Variants in TTC27 observed in about 807,000 individuals in gnomAD.
The protein encoded by TTC27 is tetratricopeptide repeat protein 27.
TTC27 carries 79 observed loss-of-function variants against 115.9 expected under a neutral mutation model. The observed-to-expected ratio is 0.68, with a 90% CI of 0.57 to 0.82. The LOEUF is 0.82. Ranked by LOEUF, TTC27 falls within the 40% of genes least tolerant of loss-of-function variation. The pLI is 0.00. For missense variants in TTC27, 1,054 were observed against 993.1 expected, an observed-to-expected ratio of 1.06 and a Z score of -0.82; for synonymous variants, 401 against 356.0, an observed-to-expected ratio of 1.13 and a Z score of -1.42.
intron 4 of TTC27, among the ~76,000 whole-genome samples, chr2:32,642,321 G>A (rs934478455): frequency 8.0e-6 from 1 of 124,964 alleles, no homozygotes; most frequent in East Asian, 2.4e-4. Flanking sequence ...GTGTGATCTC[G>A]GCTCATTGCA....
intron 12 of TTC27, among the ~76,000 whole-genome samples, chr2:32,755,435 C>A (rs1476116217): frequency 6.6e-6 from 1 of 152,220 alleles, no homozygotes; most frequent in Non-Finnish European, 1.5e-5. Context: ...ATACGAAAAC[C>A]AGACAGGCGT....
At position 32,777,892 on chromosome 2, in the gene TTC27, G is replaced by A. The variant is rs1185373273; in HGVS notation, c.1691G>A (p.Trp564Ter). Residue 564 changes from tryptophan (W) to a stop codon, truncating the protein, a stop_gained, in exon 14 of 20, where the codon TGG (tryptophan) becomes TAG (stop). Transcript: ENST00000317907. LOFTEE classifies it high-confidence loss of function. ...TTTTGGTCTTTGCAGCTCGGGGTGT[G>A]GTTTTCTCTCGGTTGTGCCTATTTG... ...VKINPMQLGV[W>*]FSLGCAYLAL... The A allele has an allele frequency of 6.2e-7, 1 of 1,613,800 alleles. No homozygotes were observed. The highest frequency in any genetic ancestry group is 8.5e-7 in the Non-Finnish European group (1 of 1,179,960).
At chr2:32,791,471 G>A (rs1670533185) in intron 16 of TTC27, among the ~76,000 whole-genome samples, 1 of 152,184 alleles carries the variant, frequency 6.6e-6, no homozygotes, top group African/African-American at 2.4e-5. Flanking sequence ...AGTATGTGAG[G>A]TGGATAGTAA....
intron 13 of TTC27, among the ~76,000 whole-genome samples, chr2:32,771,548 G>A (rs1669830595): frequency 6.6e-6 from 1 of 152,196 alleles, no homozygotes; most frequent in Admixed American, 6.5e-5. Flanking sequence ...GAAAAAGTAT[G>A]TATAAAATTT....
chr2:32,771,085 G>A (rs975054660), intron 13 of TTC27, among the ~76,000 whole-genome samples: 1 of 152,138 alleles, frequency 6.6e-6, no homozygotes, highest in Non-Finnish European at 1.5e-5. Context: ...TGGGGAGGCC[G>A]AAAGCTTTGC....
intron 16 of TTC27, among the ~76,000 whole-genome samples, chr2:32,795,725 G>T (rs539096397): frequency 1.2e-3 from 173 of 138,698 alleles, no homozygotes; most frequent in African/African-American, 4.5e-3. Flanking sequence ...GCTAATTTTT[G>T]TATTATTATT....
chr2:32,796,275 A>G (rs2148031365), intron 16 of TTC27, among the ~76,000 whole-genome samples: 1 of 152,324 alleles, frequency 6.6e-6, no homozygotes, highest in African/African-American at 2.4e-5. Context: ...CAAAAACTAG[A>G]AAACATGATG....
chr2:32,732,060 C>A (rs547230858), intron 10 of TTC27, among the ~76,000 whole-genome samples: 22 of 151,540 alleles, frequency 1.5e-4, no homozygotes, highest in Non-Finnish European at 2.7e-4. Context: ...TTTTTTCTTT[C>A]CAAAAAAAAC....
intron 16 of TTC27, among the ~76,000 whole-genome samples, chr2:32,795,525 T>G (rs1168170221): frequency 3.4e-5 from 5 of 146,150 alleles, no homozygotes; most frequent in African/African-American, 1.0e-4. Flanking sequence ...ACTGAAAGCT[T>G]CTTTTCTTAT....
Position 32,810,978 on chromosome 2 carries a change from T to C in TTC27, c.1999-46T>C, listed in dbSNP as rs375793044. ...TGAGATAGCTCTTTGTTTTTGTTAT[T>C]GTTTGTTGGTTTCTAACTTACCAGT... On this transcript the variant is annotated intron_variant, in intron 16 of 19. Coordinates refer to ENST00000317907, the MANE Select transcript of TTC27 (RefSeq NM_017735.5). 218 of 1,591,214 alleles carry C rather than the reference T, an allele frequency of 1.4e-4. 2 individuals carry two copies. The highest frequency in any genetic ancestry group is 3.4e-5 in the Admixed American group (2 of 59,462).
intron 10 of TTC27, among the ~76,000 whole-genome samples, chr2:32,711,116 CAAAAAAA>C (rs34140897): frequency 1.7e-5 from 1 of 59,936 alleles, no homozygotes; most frequent in Non-Finnish European, 3.2e-5. Context: ...GACTCTGTCT[CAAAAAAA>C]AAAAAAAAAA....
chr2:32,706,200 A>T (rs921089274), intron 10 of TTC27, among the ~76,000 whole-genome samples: 4 of 145,374 alleles, frequency 2.8e-5, no homozygotes, highest in African/African-American at 1.0e-4. Context: ...CTCCTGCCTC[A>T]GCCTCCTGAG....
In TTC27 at chr2:32,811,126, G is replaced by C; in HGVS notation, c.2101G>C (p.Val701Leu). Residue 701 changes from valine (V) to leucine (L), a missense_variant, in exon 17 of 20, where the codon GTG becomes CTG. Transcript: ENST00000317907. The stretch of plus-strand genomic sequence containing the variant: ...AAAGCTGCAGGAGTTATTTGGCAGA[G>C]TGACTTCAAGAGTGACAAATGATGG... ...KGKLQELFGR[V>L]TSRVTNDGEI... The C allele has an allele frequency of 6.2e-7, 1 of 1,614,194 alleles. No homozygotes were observed. The highest frequency in any genetic ancestry group is 8.5e-7 in the Non-Finnish European group (1 of 1,180,038).
At chr2:32,737,782 C>G (rs558248356) in intron 12 of TTC27, among the ~76,000 whole-genome samples, 1 of 152,022 alleles carries the variant, frequency 6.6e-6, no homozygotes, top group African/African-American at 2.4e-5. Flanking sequence ...GTGGGAAGAT[C>G]GCTTGAGCCC....
chr2:32,782,603 A>C, intron 14 of TTC27, 23 bp from the exon 15 acceptor site: 1 of 1,606,692 alleles, frequency 6.2e-7, no homozygotes, highest in South Asian at 1.1e-5. Context: ...AGAGTTAATT[A>C]ACTGTGTTCT....
intron 4 of TTC27, among the ~76,000 whole-genome samples, chr2:32,641,217 A>T (rs918845820): frequency 5.3e-5 from 8 of 152,234 alleles, no homozygotes. Flanking sequence ...GGACAAATAT[A>T]CACACAGAAT....
intron 12 of TTC27, among the ~76,000 whole-genome samples, chr2:32,743,120 G>C (rs1484332501): frequency 6.6e-6 from 1 of 152,006 alleles, no homozygotes; most frequent in Non-Finnish European, 1.5e-5. Flanking sequence ...TTTACGTGGA[G>C]GGCTTCCTAT....
intron 7 of TTC27, among the ~76,000 whole-genome samples, chr2:32,671,357 A>G (rs907115873): frequency 1.3e-5 from 2 of 151,664 alleles, no homozygotes; most frequent in Non-Finnish European, 2.9e-5. Context: ...TATTTTTTGG[A>G]GAGACAGGGT....
At chr2:32,761,362 TA>T (rs1460433590) in intron 13 of TTC27, among the ~76,000 whole-genome samples, 1 of 152,208 alleles carries the variant, frequency 6.6e-6, no homozygotes, top group African/African-American at 2.4e-5. Context: ...TGCACCTGAT[TA>T]ATTATGTTAC....
Sources: allele counts gnomAD v4.1 joint callset (sites outside exome capture counted in the v4.1 genomes callset), GRCh38; gene constraint gnomAD v4.1.1; transcripts MANE v1.5; gene names NCBI Gene and HGNC (gene_info 2026-07-23, HGNC 2026-07-21).